Variants in SUPT6H observed in about 807,000 individuals in gnomAD.
SUPT6H encodes the protein transcription elongation factor SPT6.
A neutral mutation model predicts 222.3 loss-of-function variants in SUPT6H; 11 were observed. The ratio of observed to expected loss-of-function variants is 0.05; its 90% CI spans 0.03 to 0.08. SUPT6H has a LOEUF of 0.08. Among genes scored for constraint, SUPT6H ranks in the 10% least tolerant of loss-of-function variants. The pLI is 1.00. For synonymous variants in SUPT6H, 762 were observed against 801.2 expected (o/e 0.95, Z 0.83); for missense variants, 1,422 against 2,216.0 (o/e 0.64, Z 7.19).
chr17:28,682,008 G>A (rs1274771528), intron 13 of SUPT6H, 28 bp downstream of exon 13: 1 of 1,576,226 alleles, frequency 6.3e-7, no homozygotes, highest in African/African-American at 1.3e-5. Context: ...TGGGATTTAG[G>A]CATTCTAGCC....
At chr17:28,678,241 G>A (rs766954800) in intron 9 of SUPT6H, 49 bp downstream of exon 9, 2 of 1,518,828 alleles carry the variant, frequency 1.3e-6, no homozygotes, top group Non-Finnish European at 1.8e-6. Context: ...TTAGTTAGGG[G>A]ATGAGGGAAA....
rs906139481 is a variant in SUPT6H at position 28,675,349 on chromosome 17, G to A, written c.539-52G>A. 11 of 1,601,814 alleles carry A rather than the reference G, an allele frequency of 6.9e-6. No individual in the cohort carries two copies. The Admixed American group carries it at 1.8e-4, about 27-fold the overall frequency. On this transcript the variant is annotated intron_variant, in intron 5 of 36. Transcript: ENST00000314616. ...ACATAGTAGGAACCAAAGCAATTTAGTCCTGGCTCAGCCCCTGACTCTGAG... is the reference window on the plus strand; with the variant it reads ...ACATAGTAGGAACCAAAGCAATTTAATCCTGGCTCAGCCCCTGACTCTGAG...
intron 17 of SUPT6H, 60 bp from the exon 18 acceptor site, chr17:28,684,526 G>C: frequency 6.2e-7 from 1 of 1,601,238 alleles, no homozygotes; most frequent in South Asian, 1.1e-5. Flanking sequence ...AGCACTCTTG[G>C]TGAGCCTGAT....
At chr17:28,676,696 G>A (rs1256390527) in intron 7 of SUPT6H, among the ~76,000 whole-genome samples, 1 of 152,194 alleles carries the variant, frequency 6.6e-6, no homozygotes, top group Non-Finnish European at 1.5e-5. Context: ...GGAGGCCAGG[G>A]TGGCAGATTG....
At chr17:28,693,880 G>A in intron 28 of SUPT6H, 44 bp downstream of exon 28, 1 of 1,613,070 alleles carries the variant, frequency 6.2e-7, no homozygotes, top group Non-Finnish European at 8.5e-7. Context: ...ATTTTCAGCT[G>A]CCCAGATCAG....
At chr17:28,695,107 G>A in intron 28 of SUPT6H, 1 of 480,450 alleles carries the variant, frequency 2.1e-6, no homozygotes, top group Non-Finnish European at 3.7e-6. Flanking sequence ...GGACAGGGTA[G>A]ATCCAGCAGG....
rs538582465 is a variant in SUPT6H at position 28,671,999 on chromosome 17, G to A, written c.-31-1372G>A. Among the ~76,000 whole-genome samples, 5 of 152,302 alleles carry A rather than the reference G, an allele frequency of 3.3e-5. No homozygotes were observed. In the East Asian group the frequency reaches 9.6e-4, roughly 29 times the overall value. Reference sequence around the variant, plus strand: ...TGCATTTATTTTGTAGGACATGGAAGCCTTTCAAGATTTTTTGCCTGCAAG... The same window carrying A: ...TGCATTTATTTTGTAGGACATGGAAACCTTTCAAGATTTTTTGCCTGCAAG... On this transcript the variant is annotated intron_variant, in intron 1 of 36. Coordinates refer to ENST00000314616, the MANE Select transcript of SUPT6H (RefSeq NM_003170.5).
chr17:28,666,550 CTT>C (rs869201111), intron 1 of SUPT6H, among the ~76,000 whole-genome samples: 28 of 138,570 alleles, frequency 2.0e-4, no homozygotes, highest in Admixed American at 2.2e-4. Flanking sequence ...AAAAGGAATA[CTT>C]TTTTTTTTTT....
At position 28,683,106 on chromosome 17, in the gene SUPT6H, A is replaced by C. The variant is rs1262317411; in HGVS notation, c.1878+14A>C. ...AAAGGTAGAAAGGTGAGCTGGGTGA[A>C]GGGCTTTGATCCAAGATGTGCACCA... On this transcript the variant is annotated intron_variant, in intron 15 of 36. Transcript: ENST00000314616. 3.2e-6 allele frequency: 5 copies of C among 1,586,140 alleles called. No homozygotes were observed. Among genetic ancestry groups the C allele is most frequent in the Non-Finnish European group, 4.3e-6 (5 of 1,168,606 alleles).
At position 28,681,915 on chromosome 17, in the gene SUPT6H, G is replaced by A. The variant is rs2031128359; in HGVS notation, c.1532G>A (p.Arg511Lys). Residue 511 changes from arginine (R) to lysine (K), a missense_variant, in exon 13 of 37, where the codon AGG becomes AAG. Arg to Lys is a conservative substitution (Grantham distance 26). Transcript: ENST00000314616. ...EGDEAEDEEQ[R>K]GPELKQASRR... ...GACGAGGCAGAAGATGAGGAGCAGA[G>A]GGGGCCTGAGCTCAAGCAAGCCTCT... The A allele has an allele frequency of 6.2e-7, 1 of 1,610,496 alleles. No homozygotes were observed. Among genetic ancestry groups the A allele is most frequent in the Admixed American group, 1.7e-5 (1 of 59,578 alleles).
rs1229774789 is a variant in SUPT6H, at chr17:28,702,529, C to G, written c.*904C>G. On this transcript the variant is annotated 3_prime_UTR_variant, in exon 37 of 37. Coordinates refer to ENST00000314616, the MANE Select transcript of SUPT6H (RefSeq NM_003170.5). The stretch of plus-strand genomic sequence containing the variant: ...TGAGGACCAAGGCAGCGTGTGCAAG[C>G]TCCTTGGCCCAACGCCTGGTACGTC... 1.3e-5 allele frequency: 2 copies of G among 152,430 alleles called. No homozygotes were observed. Among genetic ancestry groups the G allele is most frequent in the Non-Finnish European group, 2.9e-5 (2 of 68,106 alleles). The allele number at this position is 152,430 out of a possible 1,614,324, so 9.4% of individuals were successfully genotyped here.
At chr17:28,663,573 T>G (rs2072106404) in intron 1 of SUPT6H, among the ~76,000 whole-genome samples, 1 of 152,140 alleles carries the variant, frequency 6.6e-6, no homozygotes, top group Non-Finnish European at 1.5e-5. Flanking sequence ...GGCACTACCA[T>G]CAGTCCTGCC....
In SUPT6H at chr17:28,699,931, G is replaced by A; in HGVS notation, c.4561+38G>A. ...CTTCCTGACTTCAGGGACGTGGCTG[G>A]AGGAACACCTAGGACCTGACTCAGA... On this transcript the variant is annotated intron_variant, in intron 33 of 36. Transcript: ENST00000314616. The A allele has an allele frequency of 2.5e-6, 4 of 1,586,536 alleles. No homozygotes were observed. In the South Asian group the frequency reaches 4.4e-5, roughly 18 times the overall value.
At chr17:28,696,734 C>A in intron 29 of SUPT6H, 110 bp from the exon 30 acceptor site, 1 of 1,015,500 alleles carries the variant, frequency 9.8e-7, no homozygotes, top group Non-Finnish European at 1.5e-6. Flanking sequence ...GCCCAGATGA[C>A]AGAGCACCCC....
chr17:28,687,217 C>A lies in SUPT6H; in HGVS notation c.2830C>A (p.Pro944Thr). ...AGACATCCTGTGTCTCAAGTTTCAC[C>A]CCTTGCAGGTGAGTAGGATTTGACA... ...DEDILCLKFH[P>T]LQEHVVKEEL... The change falls in exon 22 of 37, where the codon CCC (proline) becomes ACC (threonine). Residue 944 changes from proline to threonine, a missense_variant. Physicochemically the swap from Pro to Thr is conservative, Grantham distance 38 (BLOSUM62 -1). Transcript: ENST00000314616. 2 of 1,614,158 alleles carry A rather than the reference C, an allele frequency of 1.2e-6. No homozygotes were observed. The highest frequency in any genetic ancestry group is 1.7e-6 in the Non-Finnish European group (2 of 1,180,032).
chr17:28,699,928 C>T, intron 33 of SUPT6H, 35 bp downstream of exon 33: 1 of 1,588,972 alleles, frequency 6.3e-7, no homozygotes, highest in South Asian at 1.1e-5. Flanking sequence ...AGGGACGTGG[C>T]TGGAGGAACA....
intron 25 of SUPT6H, among the ~76,000 whole-genome samples, 160 bp from the exon 26 acceptor site, chr17:28,689,922 A>C (rs1452559604): frequency 6.6e-6 from 1 of 152,182 alleles, no homozygotes; most frequent in Non-Finnish European, 1.5e-5. Flanking sequence ...TTTCATGGCT[A>C]AGTTTGAAAA....
intron 24 of SUPT6H, chr17:28,689,059 T>C (rs570133112): frequency 2.4e-5 from 8 of 333,790 alleles, no homozygotes; most frequent in Admixed American, 1.8e-4. Flanking sequence ...TTATGTATAC[T>C]ACAGTTTTTC....
At chr17:28,682,685 G>T (rs757902815) in intron 13 of SUPT6H, 42 bp from the exon 14 acceptor site, 1 of 1,602,048 alleles carries the variant, frequency 6.2e-7, no homozygotes, top group South Asian at 1.1e-5. Context: ...AGGTTTATCA[G>T]CCTATCTGCT....
Sources: gnomAD v4.1 joint callset for allele counts (sites outside exome capture counted in the v4.1 genomes callset) on GRCh38, gnomAD v4.1.1 for gene constraint, MANE v1.5 for transcripts, NCBI Gene and HGNC (gene_info 2026-07-23, HGNC 2026-07-21) for gene names.